Variants in TBX15 observed in about 807,000 individuals in gnomAD.
TBX15 encodes the protein T-box transcription factor TBX15.
Under a neutral mutation model 53.9 loss-of-function variants are expected in TBX15, and 18 were observed. The observed-to-expected ratio is 0.33, with a 90% CI of 0.23 to 0.49. TBX15 has a LOEUF of 0.49. TBX15 is among the 20% of genes least tolerant of loss of function. TBX15 has a pLI of 0.98. For synonymous variants in TBX15, 295 were observed against 278.0 expected (o/e 1.06, Z -0.61); for missense variants, 692 against 749.5 (o/e 0.92, Z 0.90).
chr1:118,979,174 C>T (rs1043430987), intron 1 of TBX15, among the ~76,000 whole-genome samples: 7 of 152,178 alleles, frequency 4.6e-5, no homozygotes, highest in African/African-American at 1.7e-4. Context: ...ACTTCTCACT[C>T]TGCTTTTACA....
Position 118,949,773 on chromosome 1 carries a change from C to T in TBX15, c.206-17941G>A, listed in dbSNP as rs139466020. Reference sequence around the variant, plus strand: ...ACTGGTTCAATGGCTTAAGATGGTCCAGATTGCTAGGACCCCGAGAACTGG... The same window carrying T: ...ACTGGTTCAATGGCTTAAGATGGTCTAGATTGCTAGGACCCCGAGAACTGG... On this transcript the variant is annotated intron_variant, in intron 1 of 7. Coordinates refer to ENST00000369429, the MANE Select transcript of TBX15 (RefSeq NM_001330677.2). 5.9e-3 allele frequency among the ~76,000 whole-genome samples: 903 copies of T among 152,212 alleles called. 31 individuals are homozygous for T. Among genetic ancestry groups the T allele is most frequent in the Admixed American group, 0.051 (786 of 15,276 alleles).
intron 1 of TBX15, among the ~76,000 whole-genome samples, chr1:118,949,244 A>G (rs1449965435): frequency 6.6e-6 from 1 of 152,224 alleles, no homozygotes; most frequent in Non-Finnish European, 1.5e-5. Flanking sequence ...ATGAATTGTC[A>G]CAATATCCCT....
At chr1:118,960,892 A>C (rs929038595) in intron 1 of TBX15, among the ~76,000 whole-genome samples, 4 of 152,174 alleles carry the variant, frequency 2.6e-5, no homozygotes, top group African/African-American at 9.6e-5. Context: ...GACTTGGCCC[A>C]ACCCATCCTC....
chr1:118,928,408 G>T (rs1348938491), intron 2 of TBX15, among the ~76,000 whole-genome samples: 1 of 152,092 alleles, frequency 6.6e-6, no homozygotes, highest in African/African-American at 2.4e-5. Flanking sequence ...GTGGGCTAAT[G>T]AAATTTGATG....
chr1:118,889,837 T>G (rs1379193706), intron 7 of TBX15, among the ~76,000 whole-genome samples: 2 of 152,154 alleles, frequency 1.3e-5, no homozygotes, highest in East Asian at 3.9e-4. Flanking sequence ...AGGGTCTCAC[T>G]ATGTTGCTCA....
chr1:118,942,444 G>T (rs1399845653), intron 1 of TBX15, among the ~76,000 whole-genome samples: 1 of 152,208 alleles, frequency 6.6e-6, no homozygotes, highest in Non-Finnish European at 1.5e-5. Context: ...GGGAGGGTAG[G>T]CTGGAGCCAG....
intron 6 of TBX15, among the ~76,000 whole-genome samples, chr1:118,911,201 T>G (rs1332099383): frequency 2.0e-5 from 3 of 152,198 alleles, no homozygotes; most frequent in African/African-American, 7.2e-5. Context: ...GAGCCTCAAT[T>G]GCTTCATTTG....
Position 118,893,321 on chromosome 1 carries a change from A to G in TBX15, c.1024+5707T>C, listed in dbSNP as rs868244240. ...AGGAAGGAAGGAAGGAAGGAAAGAAAGAAAGAAGAAAGAAGGAAGGAAGGA... is the reference window on the plus strand; with the variant it reads ...AGGAAGGAAGGAAGGAAGGAAAGAAGGAAAGAAGAAAGAAGGAAGGAAGGA... On this transcript the variant is annotated intron_variant, in intron 7 of 7. Transcript: ENST00000369429. 3.6e-3 allele frequency among the ~76,000 whole-genome samples: 353 copies of G among 98,894 alleles called. 6 individuals carry two copies. The highest frequency in any genetic ancestry group is 7.2e-3 in the African/African-American group (155 of 21,582). The allele number at this position is 98,894 out of a possible 152,430, so 64.9% of individuals were successfully genotyped here. A position where few individuals can be genotyped will look rare whatever the true frequency, so the allele number is the denominator to read the frequency against.
At chr1:118,928,753 A>G (rs1027698577) in intron 2 of TBX15, among the ~76,000 whole-genome samples, 8 of 152,208 alleles carry the variant, frequency 5.3e-5, no homozygotes, top group African/African-American at 1.9e-4. Flanking sequence ...TTAATTCAAT[A>G]TCTGTTCTGT....
At chr1:118,963,860 C>A (rs1656955675) in intron 1 of TBX15, among the ~76,000 whole-genome samples, 2 of 152,208 alleles carry the variant, frequency 1.3e-5, no homozygotes, top group South Asian at 4.1e-4. Context: ...CATGTTTGCA[C>A]ACTGGAGCCT....
intron 6 of TBX15, among the ~76,000 whole-genome samples, chr1:118,907,136 A>G (rs1214560988): frequency 6.6e-6 from 1 of 152,150 alleles, no homozygotes; most frequent in African/African-American, 2.4e-5. Context: ...CTATCATGGG[A>G]CCAACAGCAG....
intron 1 of TBX15, among the ~76,000 whole-genome samples, chr1:118,944,483 C>A (rs541226567): frequency 1.4e-3 from 211 of 152,312 alleles, no homozygotes; most frequent in African/African-American, 4.7e-3. Context: ...GGCCTACCTA[C>A]CTTGAAGGGT....
At chr1:118,925,222 A>G (rs1229506102) in intron 3 of TBX15, among the ~76,000 whole-genome samples, 1 of 152,200 alleles carries the variant, frequency 6.6e-6, no homozygotes, top group African/African-American at 2.4e-5. Context: ...TTCAAATGCA[A>G]ACCATATAAT....
chr1:118,971,122 G>A (rs1657224062), intron 1 of TBX15, among the ~76,000 whole-genome samples: 1 of 152,212 alleles, frequency 6.6e-6, no homozygotes, highest in South Asian at 2.1e-4. Context: ...TAGGAAAAGA[G>A]GAGGCAGAGA....
chr1:118,968,951 A>G (rs1657144184), intron 1 of TBX15, among the ~76,000 whole-genome samples: 1 of 152,182 alleles, frequency 6.6e-6, no homozygotes, highest in South Asian at 2.1e-4. Flanking sequence ...GGGATTAGAA[A>G]GTAGGTTTTG....
intron 1 of TBX15, among the ~76,000 whole-genome samples, chr1:118,944,132 C>T (rs1656271229): frequency 6.6e-6 from 1 of 152,120 alleles, no homozygotes; most frequent in African/African-American, 2.4e-5. Flanking sequence ...CTTAGAATCC[C>T]ACCCTCACAT....
chr1:118,884,733 T>C lies in TBX15; in HGVS notation c.1808A>G (p.Ter603=). The C allele has an allele frequency of 6.2e-7, 1 of 1,614,042 alleles. No homozygotes were observed. The highest frequency in any genetic ancestry group is 8.5e-7 in the Non-Finnish European group (1 of 1,179,998). Residue 603 remains the stop codon, a stop_retained_variant, in exon 8 of 8, where the codon TAA becomes TGA. Coordinates refer to ENST00000369429, the MANE Select transcript of TBX15 (RefSeq NM_001330677.2). ...GCTCCGTGGTGTTTGGACTGGCCTT[T>C]AAACCATGTGCACGGACATCTGGGA... ...SSSQMSVHMV[*] is the part of the protein sequence containing the mutation.
intron 1 of TBX15, among the ~76,000 whole-genome samples, chr1:118,973,118 T>C (rs540996555): frequency 6.6e-6 from 1 of 152,330 alleles, no homozygotes; most frequent in South Asian, 2.1e-4. Flanking sequence ...AGATTTGTTA[T>C]CTCACTTAAT....
At chr1:118,987,338 A>G (rs758967348) in intron 1 of TBX15, among the ~76,000 whole-genome samples, 28 of 152,212 alleles carry the variant, frequency 1.8e-4, no homozygotes, top group Non-Finnish European at 3.7e-4. Context: ...TCTCCACCCA[A>G]AAGAAAAAGA....
Sources: gnomAD v4.1 joint callset for allele counts (sites outside exome capture counted in the v4.1 genomes callset) on GRCh38, gnomAD v4.1.1 for gene constraint, MANE v1.5 for transcripts, NCBI Gene and HGNC (gene_info 2026-07-23, HGNC 2026-07-21) for gene names.